ZNF678: variants seen among roughly 807,000 people sequenced by gnomAD.
The protein encoded by ZNF678 is hypothetical protein MGC42493.
In ZNF678, 5 loss-of-function variants were observed where a neutral mutation model predicts 3.0. The ratio of observed to expected loss-of-function variants is 1.69; its 90% confidence interval spans 0.88 to 3.56. The LOEUF (loss-of-function observed/expected upper bound fraction) is 3.56, where lower values mean the gene tolerates loss of function less well. ZNF678 is among the 30% of genes most tolerant of loss of function. The probability of loss-of-function intolerance (pLI) is 0.00; values close to 1 mark genes in which losing one functional copy is unlikely to be tolerated. For missense variants in ZNF678, 593 were observed against 605.0 expected, an observed-to-expected ratio of 0.98 and a Z score of 0.21; for synonymous variants, 218 against 199.6, an observed-to-expected ratio of 1.09 and a Z score of -0.78.
intron 1 of ZNF678, chr1:227,598,389 C>T: frequency 2.1e-6 from 3 of 1,414,268 alleles, no homozygotes; most frequent in South Asian, 1.5e-5. Context: ...AGACATTGCA[C>T]TTTCTTTATA....
downstream of ZNF678, among the ~76,000 whole-genome samples, chr1:227,665,683 TATGTC>T (rs1405972097): frequency 3.3e-5 from 5 of 152,284 alleles, no homozygotes; most frequent in African/African-American, 1.2e-4. Context: ...ATTAGACAAT[TATGTC>T]ATGACTAAGC....
chr1:227,563,785 A>G, intron 1 of ZNF678, 61 bp downstream of exon 1: 1 of 1,296,050 alleles, frequency 7.7e-7, no homozygotes, highest in Non-Finnish European at 1.0e-6. Flanking sequence ...TCAGCACTAG[A>G]GTCCGCGGCC....
At chr1:227,641,583 C>G (rs1202119702) in intron 1 of ZNF678, among the ~76,000 whole-genome samples, 1 of 152,034 alleles carries the variant, frequency 6.6e-6, no homozygotes, top group Non-Finnish European at 1.5e-5. Context: ...CCAGAATTAC[C>G]AAACATGATA....
In ZNF678 at chr1:227,657,846, A is replaced by G. The variant is rs1357176519; in HGVS notation, c.*2018A>G. The G allele has an allele frequency of 6.6e-6, 1 of 152,040 alleles. No individual in the cohort carries two copies. Among genetic ancestry groups the G allele is most frequent in the Non-Finnish European group, 1.5e-5 (1 of 67,914 alleles). The allele number at this position is 152,040 out of a possible 1,614,324, so 9.4% of individuals were successfully genotyped here. On this transcript the variant is annotated 3_prime_UTR_variant, in exon 4 of 4. Coordinates refer to ENST00000343776, the MANE Select transcript of ZNF678 (RefSeq NM_001367909.1). ...GGAATCTCAAAGATTCTGAAAGTAA[A>G]TATTTATTCTCTGCTTTGTATTGAA...
intron 1 of ZNF678, among the ~76,000 whole-genome samples, chr1:227,632,502 C>T (rs763056770): frequency 5.7e-4 from 87 of 152,034 alleles, no homozygotes; most frequent in Admixed American, 1.5e-3. Flanking sequence ...GCTGTGAGTT[C>T]GGGACAACAG....
chr1:227,608,520 AATC>A lies in ZNF678; in HGVS notation c.-163-38019_-163-38017del, dbSNP rs142272524. ...CACATAAAATTATTTACATATTAAA[AATC>A]ATCACATTCTACAAATTATTACTAA... On this transcript the variant is annotated intron_variant, in intron 1 of 3. Transcript: ENST00000343776. Among the ~76,000 whole-genome samples, 710 of 152,306 alleles carry A rather than the reference AATC, an allele frequency of 4.7e-3. 5 individuals are homozygous for A. Among genetic ancestry groups the A allele is most frequent in the African/African-American group, 0.016 (680 of 41,578 alleles).
At position 227,654,873 on chromosome 1, in the gene ZNF678, C is replaced by G. The variant is rs1259140274; in HGVS notation, c.623C>G (p.Pro208Arg). 1 of 1,608,770 alleles carries G rather than the reference C, an allele frequency of 6.2e-7. No individual in the cohort carries two copies. Among genetic ancestry groups the G allele is most frequent in the South Asian group, 1.1e-5 (1 of 90,896 alleles). The change falls in exon 4 of 4, where the codon CCA (proline) becomes CGA (arginine). Residue 208 changes from proline (P) to arginine (R), a missense_variant. By Grantham distance (103) the Pro-to-Arg change is moderately radical. Coordinates refer to ENST00000343776, the MANE Select transcript of ZNF678 (RefSeq NM_001367909.1). Reference sequence around the variant, plus strand: ...AAGAAAATTCATAGTGGAGAGAAACCATACCCATGTGAAGAATGTGGCAAA... The same window carrying G: ...AAGAAAATTCATAGTGGAGAGAAACGATACCCATGTGAAGAATGTGGCAAA... ...SHKKIHSGEK[P>R]YPCEECGKAF... is the part of the protein sequence containing the mutation.
In ZNF678 at chr1:227,646,528, T is replaced by C. The variant is rs61824941; in HGVS notation, c.-163-16T>C. 1.2e-6 allele frequency: 1 copy of C among 847,118 alleles called. No homozygotes were observed. The highest frequency in any genetic ancestry group is 1.5e-6 in the Non-Finnish European group (1 of 650,530). 52.5% of individuals were successfully genotyped at this position (847,118 alleles called of 1,614,324 possible). A position where few individuals can be genotyped will look rare whatever the true frequency, so the allele number is the denominator to read the frequency against. ...GGCACATTTTGTAAATACGTGTGTA[T>C]TTTTCCCCCCCCCAGGGACTACTGG... On this transcript the variant is annotated splice_polypyrimidine_tract_variant and intron_variant, in intron 1 of 3. Transcript: ENST00000343776.
chr1:227,631,818 A>T (rs926556736), intron 1 of ZNF678, among the ~76,000 whole-genome samples: 2 of 152,214 alleles, frequency 1.3e-5, no homozygotes, highest in African/African-American at 4.8e-5. Flanking sequence ...CTTATGTAGG[A>T]TCACTAGGCA....
At chr1:227,598,848 G>T in intron 1 of ZNF678, 1 of 612,200 alleles carries the variant, frequency 1.6e-6, no homozygotes. Flanking sequence ...TGAAGAAGAA[G>T]ATGAATACCT....
chr1:227,639,263 G>T (rs1658758226), intron 1 of ZNF678, among the ~76,000 whole-genome samples: 2 of 152,246 alleles, frequency 1.3e-5, no homozygotes, highest in South Asian at 4.1e-4. Flanking sequence ...ATTGCTAGGA[G>T]GCTTCTGTGT....
intron 1 of ZNF678, among the ~76,000 whole-genome samples, chr1:227,606,726 C>T (rs1657882478): frequency 6.6e-6 from 1 of 152,108 alleles, no homozygotes; most frequent in Non-Finnish European, 1.5e-5. Flanking sequence ...GTCCCTGCGG[C>T]TTTCTGCAGT....
intron 1 of ZNF678, among the ~76,000 whole-genome samples, chr1:227,641,033 C>T (rs1464976918): frequency 6.6e-6 from 1 of 152,148 alleles, no homozygotes; most frequent in African/African-American, 2.4e-5. Context: ...CAAGAGAGGC[C>T]GTGTGGATTT....
intron 1 of ZNF678, among the ~76,000 whole-genome samples, chr1:227,585,401 T>C (rs980144956): frequency 3.3e-5 from 5 of 152,190 alleles, no homozygotes; most frequent in African/African-American, 1.2e-4. Flanking sequence ...AGTGAATATA[T>C]AAATTAATTT....
At chr1:227,572,286 T>G (rs940177747) in intron 1 of ZNF678, among the ~76,000 whole-genome samples, 8 of 152,254 alleles carry the variant, frequency 5.3e-5, no homozygotes, top group Admixed American at 3.9e-4. Flanking sequence ...GTTGAGATGG[T>G]CTACAATAAA....
intron 1 of ZNF678, among the ~76,000 whole-genome samples, chr1:227,583,291 A>G (rs923862337): frequency 8.6e-5 from 13 of 151,532 alleles, no homozygotes; most frequent in African/African-American, 3.1e-4. Flanking sequence ...CTTTTCTATA[A>G]TGATAACTTT....
intron 1 of ZNF678, among the ~76,000 whole-genome samples, chr1:227,631,538 G>T (rs1352073765): frequency 6.6e-6 from 1 of 152,196 alleles, no homozygotes; most frequent in Non-Finnish European, 1.5e-5. Flanking sequence ...AACCTTTTGA[G>T]TCAGGATTGA....
intron 1 of ZNF678, among the ~76,000 whole-genome samples, chr1:227,596,904 G>A (rs1216747501): frequency 1.3e-5 from 2 of 152,002 alleles, no homozygotes; most frequent in African/African-American, 2.4e-5. Context: ...ATAAAATAAG[G>A]AATATCAAAC....
chr1:227,613,432 C>G (rs1249850723), intron 1 of ZNF678, among the ~76,000 whole-genome samples: 1 of 152,230 alleles, frequency 6.6e-6, no homozygotes, highest in East Asian at 1.9e-4. Context: ...CTCTGCACTT[C>G]TCTTTTTCCA....
Sources: gnomAD v4.1 joint callset for allele counts (sites outside exome capture counted in the v4.1 genomes callset) on GRCh38, gnomAD v4.1.1 for gene constraint, MANE v1.5 for transcripts, NCBI Gene and HGNC (gene_info 2026-07-23, HGNC 2026-07-21) for gene names.